The following ITGB8 variants were observed in gnomAD, a reference collection of about 807,000 sequenced individuals.
The protein encoded by ITGB8 is integrin beta-8.
Under a neutral mutation model 89.5 loss-of-function variants are expected in ITGB8, and 30 were observed. The observed-to-expected ratio is 0.34, with a 90% CI of 0.25 to 0.45. ITGB8 has a LOEUF of 0.45. ITGB8 is among the 20% of genes least tolerant of loss of function. The pLI, the probability that ITGB8 is intolerant of heterozygous loss-of-function variation, is 1.00. For synonymous variants in ITGB8, 335 were observed against 320.4 expected (o/e 1.05, Z -0.49); for missense variants, 836 against 933.3 (o/e 0.90, Z 1.36).
At chr7:20,351,864 T>C (rs774622328) in intron 1 of ITGB8, among the ~76,000 whole-genome samples, 1 of 134,278 alleles carries the variant, frequency 7.4e-6, no homozygotes, top group Non-Finnish European at 1.6e-5. Flanking sequence ...CATTTGAAGT[T>C]TGGACATGAA....
chr7:20,389,888 G>A (rs930701682), intron 6 of ITGB8, among the ~76,000 whole-genome samples: 3 of 151,476 alleles, frequency 2.0e-5, no homozygotes, highest in Admixed American at 6.6e-5. Flanking sequence ...ATTGCTCTGA[G>A]AAAAACTTTT....
At position 20,331,302 on chromosome 7, in the gene ITGB8, T is replaced by C. The variant is rs1209448443; in HGVS notation, c.-505T>C. On this transcript the variant is annotated 5_prime_UTR_variant, in exon 1 of 14. Transcript: ENST00000222573. ...GCTGATTGATGCGCCACAGACTTTTTTCCCCTCGACCTCGCCGGCGTCCCC... is the reference window on the plus strand; with the variant it reads ...GCTGATTGATGCGCCACAGACTTTTCTCCCCTCGACCTCGCCGGCGTCCCC... The C allele has an allele frequency of 8.2e-6, 3 of 366,754 alleles. No homozygotes were observed. Among genetic ancestry groups the C allele is most frequent in the African/African-American group, 6.3e-5 (3 of 47,932 alleles). 22.7% of individuals were successfully genotyped at this position (366,754 alleles called of 1,614,324 possible). A position where few individuals can be genotyped will look rare whatever the true frequency, so the allele number is the denominator to read the frequency against.
intron 3 of ITGB8, among the ~76,000 whole-genome samples, chr7:20,368,577 T>A (rs909303636): frequency 3.3e-5 from 5 of 152,180 alleles, no homozygotes; most frequent in African/African-American, 9.7e-5. Context: ...ATTTTTCTAA[T>A]TGAATGCCAA....
At chr7:20,370,039 C>CA (rs911760663) in intron 3 of ITGB8, among the ~76,000 whole-genome samples, 71 of 149,704 alleles carry the variant, frequency 4.7e-4, no homozygotes, top group South Asian at 1.5e-3. Flanking sequence ...AGAAGATAAA[C>CA]AAAAAAAACA....
intron 1 of ITGB8, among the ~76,000 whole-genome samples, chr7:20,341,702 AGGGCTGTCCG>A (rs1784761015): frequency 6.6e-6 from 1 of 152,114 alleles, no homozygotes; most frequent in Non-Finnish European, 1.5e-5. Context: ...CCACCCTTTT[AGGGCTGTCCG>A]GGGCTGACAG....
chr7:20,386,184 A>G (rs1481553066), intron 6 of ITGB8, among the ~76,000 whole-genome samples: 1 of 152,100 alleles, frequency 6.6e-6, no homozygotes, highest in East Asian at 1.9e-4. Context: ...GAAAGACTAC[A>G]AAGTACCTGA....
At position 20,392,359 on chromosome 7, in the gene ITGB8, T is replaced by G. The variant is rs537193843; in HGVS notation, c.1056+861T>G. ...GTGCCCTCTACTTATTTTTAAAAAC[T>G]GCAGAGAAATTACATTTTCTTGGCT... On this transcript the variant is annotated intron_variant, in intron 7 of 13. Transcript: ENST00000222573. Among the ~76,000 whole-genome samples the G allele has an allele frequency of 8.5e-5, 13 of 152,326 alleles. No individual in the cohort carries two copies. The South Asian group carries it at 2.7e-3, about 32-fold the overall frequency.
At position 20,367,094 on chromosome 7, in the gene ITGB8, T is replaced by C. The variant is rs989667857; in HGVS notation, c.296T>C (p.Ile99Thr). The change falls in exon 3 of 14, where the codon ATA (isoleucine) becomes ACA (threonine). Residue 99 changes from isoleucine to threonine, a missense_variant. Around this residue, in one of 5 missense-constraint regions of ITGB8, gnomAD observed 182 missense variants for 177.0 expected, o/e 1.03. Coordinates refer to ENST00000222573, the MANE Select transcript of ITGB8 (RefSeq NM_002214.3). ...LISKGCSVDS[I>T]EYPSVHVIIP... Reference sequence around the variant, plus strand: ...AGCAAAGGCTGCTCAGTTGATTCAATAGAATACCCATCTGTGCATGTTATA... The same window carrying C: ...AGCAAAGGCTGCTCAGTTGATTCAACAGAATACCCATCTGTGCATGTTATA... 5.6e-6 allele frequency: 9 copies of C among 1,609,672 alleles called. No homozygotes were observed. Among genetic ancestry groups the C allele is most frequent in the Admixed American group, 5.0e-5 (3 of 59,968 alleles).
Position 20,410,584 on chromosome 7 carries a change from A to G in ITGB8, c.*587A>G, listed in dbSNP as rs1157078782. 1 of 152,360 alleles carries G rather than the reference A, an allele frequency of 6.6e-6. No individual in the cohort carries two copies. The highest frequency in any genetic ancestry group is 1.9e-4 in the East Asian group (1 of 5,198). The allele number at this position is 152,360 out of a possible 1,614,324, so 9.4% of individuals were successfully genotyped here. On this transcript the variant is annotated 3_prime_UTR_variant, in exon 14 of 14. Transcript: ENST00000222573. ...CTTTTTAAAGTGTGTAGTTTTATGC[A>G]TGTGTGTTTATGGTTTGCTTATTTT...
chr7:20,361,116 T>A (rs1785486648), intron 1 of ITGB8, among the ~76,000 whole-genome samples: 1 of 152,052 alleles, frequency 6.6e-6, no homozygotes, highest in African/African-American at 2.4e-5. Flanking sequence ...GATGTTGAGC[T>A]TTTTTTCATA....
chr7:20,374,911 T>A (rs1786075489), intron 3 of ITGB8, among the ~76,000 whole-genome samples: 1 of 152,088 alleles, frequency 6.6e-6, no homozygotes, highest in Non-Finnish European at 1.5e-5. Context: ...GTATAGATAA[T>A]GATGGCTGGA....
intron 1 of ITGB8, among the ~76,000 whole-genome samples, chr7:20,362,409 A>T (rs562269204): frequency 6.6e-6 from 1 of 152,250 alleles, no homozygotes; most frequent in East Asian, 1.9e-4. Flanking sequence ...TTTTAAAGGG[A>T]TGAACTTGGA....
At chr7:20,406,623 T>A (rs1787556722) in intron 12 of ITGB8, among the ~76,000 whole-genome samples, 1 of 152,112 alleles carries the variant, frequency 6.6e-6, no homozygotes, top group Non-Finnish European at 1.5e-5. Flanking sequence ...ATAACAATAA[T>A]AAATGTGTGT....
chr7:20,398,135 T>C (rs894125574), intron 8 of ITGB8, among the ~76,000 whole-genome samples: 1 of 152,198 alleles, frequency 6.6e-6, no homozygotes, highest in Non-Finnish European at 1.5e-5. Flanking sequence ...ATTAAATAGA[T>C]ATTTATTGAA....
intron 3 of ITGB8, among the ~76,000 whole-genome samples, chr7:20,370,819 G>T (rs1157336835): frequency 1.3e-5 from 2 of 151,982 alleles, no homozygotes; most frequent in African/African-American, 2.4e-5. Flanking sequence ...TCACCATGTT[G>T]GCCAGACTGG....
At chr7:20,368,495 C>T (rs1441889325) in intron 3 of ITGB8, among the ~76,000 whole-genome samples, 1 of 152,118 alleles carries the variant, frequency 6.6e-6, no homozygotes, top group Non-Finnish European at 1.5e-5. Context: ...AAAGTTTGAA[C>T]ATTTTCCGTA....
Position 20,401,746 on chromosome 7 carries a change from T to C in ITGB8, c.1307T>C (p.Met436Thr), listed in dbSNP as rs750057544. 2.5e-5 allele frequency: 40 copies of C among 1,570,592 alleles called. No individual in the cohort carries two copies. In the East Asian group the frequency reaches 8.1e-4, roughly 32 times the overall value. The stretch of plus-strand genomic sequence containing the variant: ...GTTCTTTTCAATGTAACAGTTACAA[T>C]GAAAAAATGTGATGTCACAGGAGGA... ...DEVLFNVTVT[M>T]KKCDVTGGKN... The change falls in exon 10 of 14, where the codon ATG becomes ACG. Residue 436 changes from methionine (M) to threonine (T), a missense_variant. Around this residue, in one of 5 missense-constraint regions of ITGB8, gnomAD observed 422 missense variants for 416.9 expected, o/e 1.01. Coordinates refer to ENST00000222573, the MANE Select transcript of ITGB8 (RefSeq NM_002214.3).
intron 6 of ITGB8, among the ~76,000 whole-genome samples, chr7:20,383,702 C>T (rs547372679): frequency 1.3e-5 from 2 of 152,146 alleles, no homozygotes; most frequent in South Asian, 4.2e-4. Flanking sequence ...TAGGCATATA[C>T]CATGTTATAG....
chr7:20,398,785 A>G (rs1047276082), intron 8 of ITGB8, 75 bp from the exon 9 acceptor site: 53 of 1,058,164 alleles, frequency 5.0e-5, no homozygotes, highest in Non-Finnish European at 6.1e-5. Flanking sequence ...ATAATGATTT[A>G]ATAAGCTTGA....
Sources: allele counts gnomAD v4.1 joint callset (sites outside exome capture counted in the v4.1 genomes callset), GRCh38; gene constraint gnomAD v4.1.1; regional missense constraint gnomAD v4.1.1; transcripts MANE v1.5; gene names NCBI Gene and HGNC (gene_info 2026-07-23, HGNC 2026-07-21).